POLR3A: variants seen among roughly 807,000 people sequenced by gnomAD.
POLR3A encodes RNA polymerase III subunit A.
Under a neutral mutation model 152.8 loss-of-function variants are expected in POLR3A, and 112 were observed. That is an observed-to-expected ratio of 0.73 (90% CI 0.63 to 0.86). POLR3A has a LOEUF of 0.86. Ranked by LOEUF, POLR3A falls within the 40% of genes least tolerant of loss-of-function variation. POLR3A has a pLI of 0.00. For missense variants in POLR3A, 1,385 were observed against 1,743.1 expected, an observed-to-expected ratio of 0.79 and a Z score of 3.66; for synonymous variants, 615 against 652.1, an observed-to-expected ratio of 0.94 and a Z score of 0.87.
intron 5 of POLR3A, 68 bp from the exon 6 acceptor site, chr10:78,022,452 C>T: frequency 6.5e-7 from 1 of 1,538,582 alleles, no homozygotes; most frequent in Non-Finnish European, 8.9e-7. Context: ...GCAAGGTTTT[C>T]CTTCACTATG....
At chr10:78,029,245 G>C in intron 1 of POLR3A, 119 bp downstream of exon 1, 1 of 1,007,330 alleles carries the variant, frequency 9.9e-7, no homozygotes, top group Non-Finnish European at 1.6e-6. Context: ...CACACCTATG[G>C]ACTACTGGCC....
At chr10:77,999,198 GC>G (rs1373863976) in intron 19 of POLR3A, among the ~76,000 whole-genome samples, 1 of 152,128 alleles carries the variant, frequency 6.6e-6, no homozygotes, top group African/African-American at 2.4e-5. Flanking sequence ...TATACCTAAT[GC>G]TAAATGAGTT....
Position 78,024,981 on chromosome 10 carries a change from G to T in POLR3A, c.480C>A (p.Gly160=). 1.9e-6 allele frequency: 3 copies of T among 1,614,134 alleles called. No homozygotes were observed. Among genetic ancestry groups the T allele is most frequent in the Non-Finnish European group, 2.5e-6 (3 of 1,180,002 alleles). ...GTGCATTCCACTCACCATTAAAAGC[G>T]CCACAGTGATGGCAGATGTTTTTCT... The part of the protein sequence containing the change: ...CRKKNICHHC[G]AFNGTVKKCG... Residue 160 remains glycine, a synonymous_variant, in exon 4 of 31, where the codon GGC becomes GGA. Coordinates refer to ENST00000372371, the MANE Select transcript of POLR3A (RefSeq NM_007055.4).
At chr10:78,018,649 C>T (rs552672187) in intron 9 of POLR3A, among the ~76,000 whole-genome samples, 12 of 152,228 alleles carry the variant, frequency 7.9e-5, no homozygotes, top group African/African-American at 2.9e-4. Context: ...GTGGTGTGAT[C>T]TCAGCTCACT....
chr10:77,991,088 CTCT>C lies in POLR3A; in HGVS notation c.2864_2866del (p.Lys955del). ...GCTGTCCTGGCAGCAGAGGAACTCA[CTCT>C]TCTTCATGATGGACTCTGTGGTCAG... is the stretch of plus-strand genomic sequence containing the variant. On this transcript the variant is annotated inframe_deletion, in exon 21 of 31. Coordinates refer to ENST00000372371, the MANE Select transcript of POLR3A (RefSeq NM_007055.4). The C allele has an allele frequency of 6.2e-7, 1 of 1,613,196 alleles. No homozygotes were observed. The highest frequency in any genetic ancestry group is 2.2e-5 in the East Asian group (1 of 44,882).
chr10:78,017,800 T>C, intron 9 of POLR3A, 84 bp from the exon 10 acceptor site: 1 of 1,397,768 alleles, frequency 7.2e-7, no homozygotes, highest in Non-Finnish European at 1.0e-6. Context: ...ATTCAATCTT[T>C]AATATATTAT....
intron 8 of POLR3A, among the ~76,000 whole-genome samples, chr10:78,021,000 C>T (rs1366076028): frequency 1.3e-5 from 2 of 152,122 alleles, no homozygotes; most frequent in African/African-American, 2.4e-5. Context: ...AAGATGGTCT[C>T]ACTCTCACCC....
chr10:77,990,245 G>A (rs908610905), intron 21 of POLR3A, among the ~76,000 whole-genome samples: 13 of 151,990 alleles, frequency 8.6e-5, no homozygotes, highest in African/African-American at 3.1e-4. Flanking sequence ...AAAACCTTAA[G>A]AGGGTATCAA....
In POLR3A at chr10:77,981,281, T is replaced by C. The variant is rs986211501; in HGVS notation, c.3891+147A>G. The C allele has an allele frequency of 8.1e-5, 70 of 861,706 alleles. No homozygotes were observed. The African/African-American group carries it at 1.2e-3, about 14-fold the overall frequency. 53.4% of individuals were successfully genotyped at this position (861,706 alleles called of 1,614,324 possible). ...ACTCAGCCTGACCAGCATACTTTGG[T>C]TTTTGAGCAATGTTCACATCTTATT... On this transcript the variant is annotated intron_variant, in intron 29 of 30. Transcript: ENST00000372371.
chr10:77,992,187 C>T (rs1343295695), intron 20 of POLR3A, among the ~76,000 whole-genome samples: 1 of 152,120 alleles, frequency 6.6e-6, no homozygotes, highest in Non-Finnish European at 1.5e-5. Flanking sequence ...CTACTTGACA[C>T]AGAGCGAAAC....
Position 78,013,787 on chromosome 10 carries a change from T to C in POLR3A, c.1435A>G (p.Arg479Gly). The C allele has an allele frequency of 8.1e-6, 13 of 1,614,198 alleles. No individual in the cohort carries two copies. Among genetic ancestry groups the C allele is most frequent in the Non-Finnish European group, 1.1e-5 (13 of 1,180,028 alleles). ...HKLSIMAHLA[R>G]VKPHRTFRFN... The stretch of plus-strand genomic sequence containing the variant: ...CTGAAGGTCCGGTGGGGCTTGACCC[T>C]GGCCTGTGGAACACAAAACAAAACA... The change falls in exon 11 of 31, where the codon AGG (arginine) becomes GGG (glycine). Residue 479 changes from arginine to glycine, a missense_variant. Arg to Gly is a moderately radical substitution (Grantham distance 125). This residue lies in a region of POLR3A where 493 missense variants were observed against 647.5 expected (regional missense o/e 0.76). Transcript: ENST00000372371.
chr10:77,980,035 T>A (rs1346655384), intron 30 of POLR3A, 106 bp downstream of exon 30: 13 of 1,028,188 alleles, frequency 1.3e-5, no homozygotes, highest in Non-Finnish European at 1.7e-5. Context: ...CTTGAAAAAA[T>A]AAACGCTCTG....
chr10:77,978,885 A>G (rs932677813), intron 30 of POLR3A, among the ~76,000 whole-genome samples: 20 of 150,746 alleles, frequency 1.3e-4, no homozygotes, highest in African/African-American at 3.7e-4. Flanking sequence ...GTTGGTCTTG[A>G]ACTCCTGACC....
chr10:78,002,514 T>C, intron 16 of POLR3A, among the ~76,000 whole-genome samples: 1 of 152,158 alleles, frequency 6.6e-6, no homozygotes, highest in East Asian at 1.9e-4. Context: ...AATTGGTGTA[T>C]AAGGCAAACA....
chr10:78,010,043 A>C (rs1273413892), intron 12 of POLR3A, 52 bp from the exon 13 acceptor site: 1 of 1,607,306 alleles, frequency 6.2e-7, no homozygotes, highest in Non-Finnish European at 8.5e-7. Context: ...AATTGTGAGA[A>C]TACTGCAAGG....
Position 78,018,593 on chromosome 10 carries a change from G to A in POLR3A, c.1289+569C>T, listed in dbSNP as rs536583953. 5.3e-5 allele frequency among the ~76,000 whole-genome samples: 8 copies of A among 151,918 alleles called. No homozygotes were observed. The East Asian group carries it at 1.5e-3, about 29-fold the overall frequency. On this transcript the variant is annotated intron_variant, in intron 9 of 30. Transcript: ENST00000372371. ...CAATGATCCACTTTATATATTTATTGTATTTCTGAGACAGAGTCTTGCTCT... is the reference window on the plus strand; with the variant it reads ...CAATGATCCACTTTATATATTTATTATATTTCTGAGACAGAGTCTTGCTCT...
intron 27 of POLR3A, 33 bp from the exon 28 acceptor site, chr10:77,982,351 G>A (rs759185695): frequency 1.1e-5 from 17 of 1,608,232 alleles, no homozygotes; most frequent in Admixed American, 5.0e-5. Context: ...CTGTGAGGAC[G>A]GGGTGAGCCA....
intron 10 of POLR3A, among the ~76,000 whole-genome samples, chr10:78,017,227 C>T (rs1212522101): frequency 6.6e-6 from 1 of 151,950 alleles, no homozygotes; most frequent in Non-Finnish European, 1.5e-5. Context: ...GAGTTCCAGA[C>T]TAGCTTGGGC....
rs35706521 is a variant in POLR3A, at chr10:78,005,412, G to A, written c.2075-524C>T. On this transcript the variant is annotated intron_variant, in intron 15 of 30. Transcript: ENST00000372371. The stretch of plus-strand genomic sequence containing the variant: ...CAATGAGCCATAATCACATCACTGC[G>A]CTCCAGCCTGGGCAACAGAGCAAGA... Among the ~76,000 whole-genome samples the A allele has an allele frequency of 8.0e-3, 1,212 of 152,280 alleles. 8 individuals are homozygous for A. The highest frequency in any genetic ancestry group is 0.013 in the African/African-American group (544 of 41,552).
Sources: gnomAD v4.1 joint callset for allele counts (sites outside exome capture counted in the v4.1 genomes callset) on GRCh38, gnomAD v4.1.1 for gene constraint, gnomAD v4.1.1 regional missense constraint, MANE v1.5 for transcripts, NCBI Gene and HGNC (gene_info 2026-07-23, HGNC 2026-07-21) for gene names.